The following NBR1 variants were observed in gnomAD, a reference collection of about 807,000 sequenced individuals.
NBR1 encodes the protein NBR1 autophagy cargo receptor.
A neutral mutation model predicts 115.5 loss-of-function variants in NBR1; 59 were observed. The observed-to-expected ratio is 0.51, with a 90% CI of 0.41 to 0.63. The LOEUF (loss-of-function observed/expected upper bound fraction) is 0.63, where lower values mean the gene tolerates loss of function less well. NBR1 is among the 30% of genes least tolerant of loss of function. The pLI is 0.00. For missense variants in NBR1, 1,043 were observed against 1,150.5 expected (o/e 0.91, Z 1.35); for synonymous variants, 373 against 414.7 (o/e 0.90, Z 1.22).
chr17:43,209,538 A>G (rs1316900283), intron 20 of NBR1: 3 of 1,525,374 alleles, frequency 2.0e-6, no homozygotes, highest in Middle Eastern at 1.7e-4. Flanking sequence ...CATCATCACA[A>G]TTACACTTAT....
At chr17:43,172,015 A>G (rs989397432) in intron 1 of NBR1, among the ~76,000 whole-genome samples, 1 of 151,830 alleles carries the variant, frequency 6.6e-6, no homozygotes, top group African/African-American at 2.4e-5. Context: ...ATCAAAGCTC[A>G]GGTTGCCAGG....
At chr17:43,183,760 A>G (rs2056731956) in intron 5 of NBR1, among the ~76,000 whole-genome samples, 1 of 151,176 alleles carries the variant, frequency 6.6e-6, no homozygotes, top group South Asian at 2.1e-4. Context: ...CCTGGATTCA[A>G]GCAATTCTCA....
At chr17:43,200,698 A>C in intron 17 of NBR1, 90 bp downstream of exon 17, 1 of 1,157,958 alleles carries the variant, frequency 8.6e-7, no homozygotes, top group Non-Finnish European at 1.2e-6. Context: ...TTTTTTCCTC[A>C]GTATGGAAAG....
chr17:43,179,351 A>T, intron 3 of NBR1, 43 bp from the exon 4 acceptor site: 5 of 1,595,506 alleles, frequency 3.1e-6, no homozygotes, highest in South Asian at 1.1e-5. Context: ...TGCTCAACTG[A>T]TGAGACACTT....
intron 17 of NBR1, among the ~76,000 whole-genome samples, 187 bp from the exon 18 acceptor site, chr17:43,201,499 T>A (rs2057196465): frequency 1.3e-5 from 2 of 152,194 alleles, no homozygotes; most frequent in African/African-American, 4.8e-5. Flanking sequence ...AGCTTGCCTG[T>A]GGCTAAAGAG....
intron 20 of NBR1, among the ~76,000 whole-genome samples, chr17:43,206,337 G>A (rs915168866): frequency 1.8e-4 from 28 of 151,952 alleles, no homozygotes; most frequent in African/African-American, 6.8e-4. Flanking sequence ...AAGATTACCG[G>A]CTACATTGTA....
At chr17:43,184,372 C>CTT (rs71160024) in intron 5 of NBR1, among the ~76,000 whole-genome samples, 2 of 96,202 alleles carry the variant, frequency 2.1e-5, no homozygotes, top group Admixed American at 1.5e-4. Flanking sequence ...AAATACTATT[C>CTT]TTTTTTTTTT....
At chr17:43,181,647 C>T (rs2056668040) in intron 5 of NBR1, among the ~76,000 whole-genome samples, 1 of 151,864 alleles carries the variant, frequency 6.6e-6, no homozygotes. Context: ...GCCTGGGCGA[C>T]AGTGAGACTC....
rs774079309 is a variant in NBR1, at chr17:43,189,109, A to G, written c.470A>G (p.Tyr157Cys). 6.2e-7 allele frequency: 1 copy of G among 1,609,540 alleles called. No individual in the cohort carries two copies. Among genetic ancestry groups the G allele is most frequent in the Non-Finnish European group, 8.5e-7 (1 of 1,175,846 alleles). The change falls in exon 7 of 21, where the codon TAC (tyrosine) becomes TGC (cysteine). Residue 157 changes from tyrosine (Y) to cysteine (C), a missense_variant. By Grantham distance (194) the Tyr-to-Cys change is radical. Coordinates refer to ENST00000590996, the MANE Select transcript of NBR1 (RefSeq NM_005899.5). Reference protein sequence around the residue: ...QDKPPDWFTSYLETFREQVVN... With the variant: ...QDKPPDWFTSCLETFREQVVN... Reference sequence around the variant, plus strand: ...AAGCCCCCAGACTGGTTCACAAGCTACCTGGAGACGGTGAGTGTTCTGTCT... The same window carrying G: ...AAGCCCCCAGACTGGTTCACAAGCTGCCTGGAGACGGTGAGTGTTCTGTCT...
At position 43,190,691 on chromosome 17, in the gene NBR1, C is replaced by T. The variant is rs765407026; in HGVS notation, c.778C>T (p.Arg260Trp). ...HDTNHVLLKL[R>W]RPVVGSSEPF... ...CACTAACCACGTCCTGCTGAAGTTG[C>T]GGAGACCTGTTGTGGGCTCCTCTGA... is the stretch of plus-strand genomic sequence containing the variant. Residue 260 changes from arginine to tryptophan, a missense_variant, in exon 9 of 21, where the codon CGG becomes TGG. Physicochemically the swap from Arg to Trp is moderately radical, Grantham distance 101. Coordinates refer to ENST00000590996, the MANE Select transcript of NBR1 (RefSeq NM_005899.5). 6.8e-6 allele frequency: 11 copies of T among 1,613,720 alleles called. 1 individual carries two copies. The highest frequency in any genetic ancestry group is 6.6e-5 in the South Asian group (6 of 91,026).
Position 43,195,245 on chromosome 17 carries a change from A to G in NBR1, c.1750+206A>G, listed in dbSNP as rs1030210101. ...ATGCTGGGCATGGTGGCTCGTGTCT[A>G]TAATCCCAGCTCTTTGGGAGGCCAA... On this transcript the variant is annotated intron_variant, in intron 14 of 20. Transcript: ENST00000590996. 7.9e-5 allele frequency: 43 copies of G among 547,678 alleles called. No homozygotes were observed. In the Middle Eastern group the frequency reaches 1.4e-3, roughly 18 times the overall value. 33.9% of individuals were successfully genotyped at this position (547,678 alleles called of 1,614,324 possible). A position where few individuals can be genotyped will look rare whatever the true frequency, so the allele number is the denominator to read the frequency against.
chr17:43,182,083 G>A (rs1309711231), intron 5 of NBR1, among the ~76,000 whole-genome samples: 1 of 151,434 alleles, frequency 6.6e-6, no homozygotes, highest in Non-Finnish European at 1.5e-5. Context: ...TTGAACTGCT[G>A]GGCTCAAGTG....
chr17:43,200,636 G>T (rs770527285), intron 17 of NBR1, 28 bp downstream of exon 17: 1 of 1,560,450 alleles, frequency 6.4e-7, no homozygotes, highest in Admixed American at 1.8e-5. Flanking sequence ...CTCAGCTGGG[G>T]TGTTCTTCAG....
At chr17:43,189,953 C>T in intron 8 of NBR1, 151 bp downstream of exon 8, 1 of 672,426 alleles carries the variant, frequency 1.5e-6, no homozygotes, top group Non-Finnish European at 2.6e-6. Flanking sequence ...CTACTCTTCA[C>T]CCACATGCTT....
chr17:43,189,805 A>G lies in NBR1; in HGVS notation c.695+3A>G. Reference sequence around the variant, plus strand: ...GTTGGTGTCCGCTACCAGTGTAGGTAAGCAGTTGCTTGGGAGTAGCTAGCT... The same window carrying G: ...GTTGGTGTCCGCTACCAGTGTAGGTGAGCAGTTGCTTGGGAGTAGCTAGCT... On this transcript the variant is annotated splice_donor_region_variant and intron_variant, in intron 8 of 20. Transcript: ENST00000590996. 1.2e-6 allele frequency: 2 copies of G among 1,612,986 alleles called. No individual in the cohort carries two copies. Among genetic ancestry groups the G allele is most frequent in the Non-Finnish European group, 1.7e-6 (2 of 1,179,582 alleles).
intron 18 of NBR1, among the ~76,000 whole-genome samples, chr17:43,202,170 A>G (rs1466320009): frequency 1.0e-5 from 1 of 98,120 alleles, no homozygotes; most frequent in African/African-American, 3.5e-5. Flanking sequence ...ACAGTGCGAG[A>G]CTCCGTCTGA....
chr17:43,181,565 C>T (rs2154582008), intron 5 of NBR1, among the ~76,000 whole-genome samples: 1 of 152,250 alleles, frequency 6.6e-6, no homozygotes, highest in Admixed American at 6.5e-5. Flanking sequence ...ACTTGGGAGG[C>T]TGAGGCAGGA....
chr17:43,194,475 A>G lies in NBR1; in HGVS notation c.1650A>G (p.Pro550=). ...CCAGTGAGAGGGAGCTCTACATCCC[A>G]TCTGTGGATCTTCTGACTGCCCAGG... ...NVASERELYI[P]SVDLLTAQDL... Residue 550 remains proline, a synonymous_variant, in exon 13 of 21, where the codon CCA becomes CCG. Coordinates refer to ENST00000590996, the MANE Select transcript of NBR1 (RefSeq NM_005899.5). 6.2e-7 allele frequency: 1 copy of G among 1,614,010 alleles called. No homozygotes were observed. Among genetic ancestry groups the G allele is most frequent in the Non-Finnish European group, 8.5e-7 (1 of 1,179,876 alleles).
At chr17:43,183,213 G>A (rs2056717308) in intron 5 of NBR1, among the ~76,000 whole-genome samples, 3 of 151,244 alleles carry the variant, frequency 2.0e-5, no homozygotes, top group South Asian at 4.2e-4. Context: ...TTTGACGTGT[G>A]TGTCATTCCT....
Sources: allele counts gnomAD v4.1 joint callset (sites outside exome capture counted in the v4.1 genomes callset), GRCh38; gene constraint gnomAD v4.1.1; transcripts MANE v1.5; gene names NCBI Gene and HGNC (gene_info 2026-07-23, HGNC 2026-07-21).